CEP164: variants seen among roughly 807,000 people sequenced by gnomAD.
CEP164 encodes the protein centrosomal protein of 164 kDa.
A neutral mutation model predicts 182.7 loss-of-function variants in CEP164; 162 were observed. That is an observed-to-expected ratio of 0.89 (90% CI 0.78 to 1.01). The LOEUF (loss-of-function observed/expected upper bound fraction) is 1.01, where lower values mean the gene tolerates loss of function less well. Ranked by LOEUF, CEP164 falls within the 50% of genes least tolerant of loss-of-function variation. CEP164 has a pLI of 0.00. For synonymous variants in CEP164, 661 were observed against 690.0 expected (o/e 0.96, Z 0.66); for missense variants, 1,735 against 1,790.4 (o/e 0.97, Z 0.56).
rs951179400 is a variant in CEP164 at position 117,372,352 on chromosome 11, C to T, written c.1152+886C>T. On this transcript the variant is annotated intron_variant, in intron 9 of 32. Transcript: ENST00000278935. ...TTGAACTCCTGAGCTCAACCTCGATCTGCCCGCCTCGGCCTCCCCAAGTGC... is the reference window on the plus strand; with the variant it reads ...TTGAACTCCTGAGCTCAACCTCGATTTGCCCGCCTCGGCCTCCCCAAGTGC... 3.3e-5 allele frequency among the ~76,000 whole-genome samples: 5 copies of T among 152,094 alleles called. No individual in the cohort carries two copies. In the South Asian group the frequency reaches 6.2e-4, roughly 19 times the overall value.
At chr11:117,366,689 G>A (rs1175308346) in intron 8 of CEP164, among the ~76,000 whole-genome samples, 1 of 152,154 alleles carries the variant, frequency 6.6e-6, no homozygotes, top group Non-Finnish European at 1.5e-5. Flanking sequence ...GACCAACTGG[G>A]CAGGAATAAA....
At position 117,388,910 on chromosome 11, in the gene CEP164, C is replaced by T. The variant is rs376122359; in HGVS notation, c.1934+1498C>T. ...CCTCCCAAGTAGCTGGGACTACAGG[C>T]GCCTGCCACCATGCCTGGCTAATTT... is the stretch of plus-strand genomic sequence containing the variant. On this transcript the variant is annotated intron_variant, in intron 15 of 32. Transcript: ENST00000278935. Among the ~76,000 whole-genome samples the T allele has an allele frequency of 4.9e-4, 75 of 151,856 alleles. 2 individuals carry two copies. The East Asian group carries it at 0.013, about 27-fold the overall frequency.
chr11:117,373,614 A>G (rs1414776505), intron 9 of CEP164, 137 bp from the exon 10 acceptor site: 27 of 734,642 alleles, frequency 3.7e-5, no homozygotes, highest in South Asian at 1.6e-4. Flanking sequence ...GGCCTCGTTT[A>G]GGTTTTCAAG....
At chr11:117,376,643 C>G (rs1207871158) in intron 11 of CEP164, among the ~76,000 whole-genome samples, 1 of 152,148 alleles carries the variant, frequency 6.6e-6, no homozygotes, top group East Asian at 1.9e-4. Flanking sequence ...AGCCTTGGAG[C>G]CTTTAGTGAA....
chr11:117,377,700 T>C (rs1382022404), intron 11 of CEP164, among the ~76,000 whole-genome samples: 1 of 152,230 alleles, frequency 6.6e-6, no homozygotes, highest in Non-Finnish European at 1.5e-5. Flanking sequence ...TTTTTGTTCA[T>C]TTAAAATATT....
intron 27 of CEP164, among the ~76,000 whole-genome samples, chr11:117,399,366 C>T (rs545672342): frequency 1.2e-4 from 19 of 152,288 alleles, no homozygotes; most frequent in African/African-American, 4.6e-4. Context: ...GCCACATTTT[C>T]TTTATCCAGT....
intron 1 of CEP164, among the ~76,000 whole-genome samples, chr11:117,335,228 G>C (rs2134884772): frequency 6.6e-6 from 1 of 152,328 alleles, no homozygotes; most frequent in Non-Finnish European, 1.5e-5. Context: ...ATGTCTGCAG[G>C]ATGTTACGGG....
Position 117,394,501 on chromosome 11 carries a change from G to C in CEP164, c.2760+8G>C, listed in dbSNP as rs749507834. On this transcript the variant is annotated splice_region_variant and intron_variant, in intron 21 of 32. Coordinates refer to ENST00000278935, the MANE Select transcript of CEP164 (RefSeq NM_014956.5). This position sits in a 1 kb window ranked among gnomAD's most constrained non-coding sequence, Gnocchi z 4.0. ...CGCCGGCACAGGGAGCAGGTGAGGG[G>C]CCTGGGGCAGGGTGAGCCCACTGTG... 1 of 1,613,208 alleles carries C rather than the reference G, an allele frequency of 6.2e-7. No individual in the cohort carries two copies. The highest frequency in any genetic ancestry group is 1.1e-5 in the South Asian group (1 of 90,948).
chr11:117,381,393 A>G (rs2043298844), intron 12 of CEP164, among the ~76,000 whole-genome samples: 1 of 151,926 alleles, frequency 6.6e-6, no homozygotes, highest in Non-Finnish European at 1.5e-5. Context: ...AGTGCTGGTG[A>G]GCTCTGGGGA....
chr11:117,379,852 C>CTT (rs58534321), intron 11 of CEP164, among the ~76,000 whole-genome samples: 1,536 of 116,878 alleles, frequency 0.013, 35 homozygotes, highest in Admixed American at 0.069. Context: ...ATAGTTCTTC[C>CTT]TTTTTTTTTT....
chr11:117,386,974 C>G, intron 14 of CEP164: 2 of 544,350 alleles, frequency 3.7e-6, no homozygotes, highest in South Asian at 2.3e-5. Flanking sequence ...CTGCTATGGG[C>G]TACCCTTCTC....
chr11:117,387,159 G>A (rs774360800), intron 14 of CEP164, 44 bp from the exon 15 acceptor site: 1 of 1,528,810 alleles, frequency 6.5e-7, no homozygotes, highest in Non-Finnish European at 9.1e-7. Context: ...AGAGGTGGGT[G>A]GACATTAACC....
chr11:117,355,772 A>G lies in CEP164; in HGVS notation c.393+3784A>G, dbSNP rs547119061. ...CAATAAGGATATCCCAGGAAGCTGC[A>G]AGGAAACAGAGCCCAGTGACCCTGA... is the stretch of plus-strand genomic sequence containing the variant. On this transcript the variant is annotated intron_variant, in intron 5 of 32. Transcript: ENST00000278935. 3.6e-6 allele frequency: 4 copies of G among 1,114,794 alleles called. No homozygotes were observed. The African/African-American group carries it at 4.9e-5, about 14-fold the overall frequency. The allele number at this position is 1,114,794 out of a possible 1,614,324, so 69.1% of individuals were successfully genotyped here. A position where few individuals can be genotyped will look rare whatever the true frequency, so the allele number is the denominator to read the frequency against.
At chr11:117,352,989 G>A (rs2039843624) in intron 5 of CEP164, among the ~76,000 whole-genome samples, 1 of 152,156 alleles carries the variant, frequency 6.6e-6, no homozygotes, top group African/African-American at 2.4e-5. Flanking sequence ...AGGAGGTGGA[G>A]TTATTGCCCA....
rs764751882 is a variant in CEP164 at position 117,375,699 on chromosome 11, T to C, written c.1234-9T>C. ...GCAGAGTTGACCTTTGCATCTCCAC[T>C]GTCTCCAGGACTTCGGTTTTCGCAG... On this transcript the variant is annotated splice_polypyrimidine_tract_variant and intron_variant, in intron 10 of 32. Transcript: ENST00000278935. 2 of 1,614,048 alleles carry C rather than the reference T, an allele frequency of 1.2e-6. No individual in the cohort carries two copies. Among genetic ancestry groups the C allele is most frequent in the South Asian group, 2.2e-5 (2 of 91,068 alleles).
chr11:117,382,315 C>T (rs2043416316), intron 13 of CEP164, among the ~76,000 whole-genome samples: 1 of 152,158 alleles, frequency 6.6e-6, no homozygotes. Flanking sequence ...TCAGCAACCC[C>T]AGCTGGAGCC....
rs756048473 is a variant in CEP164 at position 117,394,363 on chromosome 11, G to A, written c.2630G>A (p.Arg877Gln). The A allele has an allele frequency of 9.4e-6, 15 of 1,602,796 alleles. No homozygotes were observed. The highest frequency in any genetic ancestry group is 1.7e-4 in the Middle Eastern group (1 of 6,052). ...EQYEAEERKQRAELLGHLTGE... is the reference protein window; with the variant it reads ...EQYEAEERKQQAELLGHLTGE... The stretch of plus-strand genomic sequence containing the variant: ...CCCTCCTTGCAGGAGAGGAAGCAGC[G>A]GGCTGAGCTTCTGGGGCACCTGACC... The change falls in exon 21 of 33, where the codon CGG becomes CAG. Residue 877 changes from arginine to glutamine, a missense_variant. Arg to Gln is a conservative substitution (Grantham distance 43, BLOSUM62 1). Coordinates refer to ENST00000278935, the MANE Select transcript of CEP164 (RefSeq NM_014956.5). The surrounding 1 kb of genome is among the most constrained non-coding windows in gnomAD (Gnocchi z 4.0).
At chr11:117,369,246 C>T (rs1307137787) in intron 8 of CEP164, among the ~76,000 whole-genome samples, 1 of 152,254 alleles carries the variant, frequency 6.6e-6, no homozygotes, top group East Asian at 1.9e-4. Context: ...AGTTCCTTAA[C>T]TCACTTGATG....
rs1565572496 is a variant in CEP164 at position 117,390,898 on chromosome 11, G to GACC, written c.2058_2060dup (p.Asp686_Gln687insHis). The GACC allele has an allele frequency of 6.2e-7, 1 of 1,613,816 alleles. No homozygotes were observed. The highest frequency in any genetic ancestry group is 8.5e-7 in the Non-Finnish European group (1 of 1,180,010). ...CCAGTCCAGCACACAAGCAGATGAG[G>GACC]ACCAAATCAGGTAAGTGTGTGCTTA... On this transcript the variant is annotated inframe_insertion, in exon 16 of 33. Coordinates refer to ENST00000278935, the MANE Select transcript of CEP164 (RefSeq NM_014956.5).
Sources: gnomAD v4.1 joint callset for allele counts (sites outside exome capture counted in the v4.1 genomes callset) on GRCh38, gnomAD v4.1.1 for gene constraint, Gnocchi (gnomAD v3.1) non-coding constraint, MANE v1.5 for transcripts, NCBI Gene and HGNC (gene_info 2026-07-23, HGNC 2026-07-21) for gene names.